Variants in TTC22 observed in about 807,000 individuals in gnomAD.
TTC22 encodes the protein tetratricopeptide repeat domain 22.
A neutral mutation model predicts 48.2 loss-of-function variants in TTC22; 42 were observed. The ratio of observed to expected loss-of-function variants is 0.87; its 90% confidence interval spans 0.68 to 1.13. The LOEUF (loss-of-function observed/expected upper bound fraction) is 1.13. Among genes scored for constraint, TTC22 ranks in the 50% most tolerant of loss-of-function variants. The pLI is 0.00. For synonymous variants in TTC22, 345 were observed against 365.5 expected (o/e 0.94, Z 0.64); for missense variants, 784 against 807.0 (o/e 0.97, Z 0.34).
At chr1:54,797,461 C>G (rs567747264) in intron 1 of TTC22, among the ~76,000 whole-genome samples, 1 of 152,070 alleles carries the variant, frequency 6.6e-6, no homozygotes, top group Non-Finnish European at 1.5e-5. Context: ...CCAGCCTGGC[C>G]AACATGGTGA....
At chr1:54,795,639 T>G (rs1453877254) in intron 1 of TTC22, among the ~76,000 whole-genome samples, 1 of 152,244 alleles carries the variant, frequency 6.6e-6, no homozygotes, top group Non-Finnish European at 1.5e-5. Flanking sequence ...CTGAATTTTC[T>G]CAGCTCCTCC....
At position 54,800,707 on chromosome 1, in the gene TTC22, G is replaced by C. The variant is rs761165081; in HGVS notation, c.457C>G (p.Gln153Glu). 6.5e-7 allele frequency: 1 copy of C among 1,545,556 alleles called. No homozygotes were observed. Among genetic ancestry groups the C allele is most frequent in the South Asian group, 1.2e-5 (1 of 84,688 alleles). The change falls in exon 1 of 7, where the codon CAG (glutamine) becomes GAG (glutamate). Residue 153 changes from glutamine (Q) to glutamate (E), a missense_variant. Physicochemically the swap from Gln to Glu is conservative, Grantham distance 29. Transcript: ENST00000371276. ...ACGTCGAAGCCATGCGCGTAGCCCT[G>C]CTCGGCCAGGCAGCGAGCGGCGCGG... ...QLRAARCLAE[Q>E]GYAHGFDVGC...
Position 54,782,343 on chromosome 1 carries a change from C to T in TTC22, c.1155G>A (p.Ala385=), listed in dbSNP as rs371162449. ...EVVRVCPGFK[A]YLDIGQVYYY... Reference sequence around the variant, plus strand: ...GCCTTACCTGGCCGATGTCCAGGTACGCCTTGAAGCCTGGGCACACCCTGA... The same window carrying T: ...GCCTTACCTGGCCGATGTCCAGGTATGCCTTGAAGCCTGGGCACACCCTGA... Residue 385 remains alanine (A), a synonymous_variant, in exon 6 of 7, where the codon GCG becomes GCA. Transcript: ENST00000371276. 130 of 1,543,842 alleles carry T rather than the reference C, an allele frequency of 8.4e-5. No individual in the cohort carries two copies. The African/African-American group carries it at 9.1e-4, about 11-fold the overall frequency.
intron 1 of TTC22, among the ~76,000 whole-genome samples, chr1:54,799,481 G>A (rs532733078): frequency 4.0e-4 from 61 of 152,306 alleles, no homozygotes; most frequent in Non-Finnish European, 5.6e-4. Context: ...CCAGGGAGAA[G>A]AAGGCCCCAC....
chr1:54,791,403 C>G (rs764620797), intron 1 of TTC22, among the ~76,000 whole-genome samples: 9 of 152,160 alleles, frequency 5.9e-5, no homozygotes, highest in Non-Finnish European at 1.2e-4. Flanking sequence ...GGATGTTACC[C>G]CTGGCAGGTT....
chr1:54,795,570 GGTA>G (rs775333328), intron 1 of TTC22, among the ~76,000 whole-genome samples: 5 of 152,128 alleles, frequency 3.3e-5, no homozygotes, highest in Non-Finnish European at 7.3e-5. Flanking sequence ...CTCTAGCACC[GGTA>G]GTAGCTGAGT....
In TTC22 at chr1:54,781,602, C is replaced by T; in HGVS notation, c.1351G>A (p.Ala451Thr). The change falls in exon 7 of 7, where the codon GCG becomes ACG. Residue 451 changes from alanine to threonine, a missense_variant. Transcript: ENST00000371276. ...CLRIKGEDANAAACFKRAVEL... is the reference protein window; with the variant it reads ...CLRIKGEDANTAACFKRAVEL... Reference sequence around the variant, plus strand: ...ACTGCGCGCTTGAAGCAGGCGGCCGCGTTGGCGTCCTCGCCCTTGATGCGC... The same window carrying T: ...ACTGCGCGCTTGAAGCAGGCGGCCGTGTTGGCGTCCTCGCCCTTGATGCGC... 3 of 1,525,578 alleles carry T rather than the reference C, an allele frequency of 2.0e-6. No homozygotes were observed. Among genetic ancestry groups the T allele is most frequent in the Non-Finnish European group, 2.6e-6 (3 of 1,142,298 alleles). 94.5% of individuals were successfully genotyped at this position (1,525,578 alleles called of 1,614,324 possible).
intron 1 of TTC22, among the ~76,000 whole-genome samples, chr1:54,797,071 C>T (rs1220964637): frequency 6.6e-6 from 1 of 152,156 alleles, no homozygotes; most frequent in African/African-American, 2.4e-5. Context: ...TCACAGGAAT[C>T]ATGTGAGGTT....
intron 5 of TTC22, among the ~76,000 whole-genome samples, chr1:54,783,528 T>A (rs1273833667): frequency 1.3e-5 from 2 of 152,228 alleles, no homozygotes; most frequent in East Asian, 3.8e-4. Flanking sequence ...TGCCAGACAC[T>A]GTTCCAGGCA....
At chr1:54,799,919 C>A (rs957299803) in intron 1 of TTC22, among the ~76,000 whole-genome samples, 1 of 152,222 alleles carries the variant, frequency 6.6e-6, no homozygotes, top group Admixed American at 6.5e-5. Context: ...CTCCATCTTA[C>A]AGGGAGGGGA....
Position 54,782,450 on chromosome 1 carries a change from G to C in TTC22, c.1048C>G (p.Leu350Val). ...CCGAGACCCATCTTGGCCCGCTTGA[G>C]GTCATGCAGGTAGGCTCTGATGTGG... ...KIHIRAYLHD[L>V]KRAKMGLGGM... The change falls in exon 6 of 7, where the codon CTC (leucine) becomes GTC (valine). Residue 350 changes from leucine (L) to valine (V), a missense_variant. Transcript: ENST00000371276. 6.4e-7 allele frequency: 1 copy of C among 1,550,622 alleles called. No individual in the cohort carries two copies.
intron 4 of TTC22, 40 bp from the exon 5 acceptor site, chr1:54,786,184 G>A (rs1332362573): frequency 1.2e-6 from 2 of 1,601,578 alleles, no homozygotes; most frequent in Non-Finnish European, 1.7e-6. Context: ...CACTTGCTTG[G>A]TCATTAGCCA....
intron 1 of TTC22, among the ~76,000 whole-genome samples, chr1:54,799,216 C>T (rs1467416708): frequency 6.6e-6 from 1 of 152,184 alleles, no homozygotes; most frequent in Non-Finnish European, 1.5e-5. Context: ...CAATCGGCTC[C>T]CTCCCTGGAG....
At chr1:54,789,317 G>T (rs1263151481) in intron 1 of TTC22, among the ~76,000 whole-genome samples, 1 of 152,230 alleles carries the variant, frequency 6.6e-6, no homozygotes, top group Non-Finnish European at 1.5e-5. Context: ...AGGGTCTTGG[G>T]TCATATTGGC....
chr1:54,799,445 C>T (rs1373751843), intron 1 of TTC22, among the ~76,000 whole-genome samples: 2 of 152,170 alleles, frequency 1.3e-5, no homozygotes, highest in Non-Finnish European at 2.9e-5. Flanking sequence ...TTCCTGCACC[C>T]CTTTCACAGA....
intron 1 of TTC22, among the ~76,000 whole-genome samples, chr1:54,793,941 C>T (rs1029732274): frequency 7.2e-5 from 11 of 152,140 alleles, no homozygotes; most frequent in African/African-American, 2.4e-4. Context: ...CCTAGACAAG[C>T]GGTTTTCAAA....
chr1:54,801,101 G>C lies in TTC22; in HGVS notation c.63C>G (p.Leu21=), dbSNP rs142848687. Reference sequence around the variant, plus strand: ...GCATCTCCAGGTGAAAGTGGCCCGGGAGGTAGTCCAGGTCGTCGATGAGGG... The same window carrying C: ...GCATCTCCAGGTGAAAGTGGCCCGGCAGGTAGTCCAGGTCGTCGATGAGGG... ...LDALIDDLDY[L]PGHFHLEMQL... The change falls in exon 1 of 7, where the codon CTC becomes CTG. Residue 21 remains leucine (L), a synonymous_variant. Transcript: ENST00000371276. The C allele has an allele frequency of 2.5e-6, 4 of 1,611,888 alleles. No individual in the cohort carries two copies. Among genetic ancestry groups the C allele is most frequent in the Middle Eastern group, 1.7e-4 (1 of 6,052 alleles).
chr1:54,788,719 T>C (rs1646326301), intron 1 of TTC22, among the ~76,000 whole-genome samples: 1 of 152,170 alleles, frequency 6.6e-6, no homozygotes, highest in African/African-American at 2.4e-5. Context: ...TCCCTCCACA[T>C]TCATCTCCCG....
chr1:54,800,597 C>T lies in TTC22; in HGVS notation c.567G>A (p.Gln189=). ...LYDKALGYGQ[Q]IPMEEKRGWY... ...AGGTAGGGAGACAGGGGTCACCTAC[C>T]TGCTGCCCGTAGCCTAGCGCCTTGT... Residue 189 remains glutamine (Q), a splice_region_variant and synonymous_variant, in exon 1 of 7, where the codon CAG becomes CAA. Coordinates refer to ENST00000371276, the MANE Select transcript of TTC22 (RefSeq NM_001114108.2). 6.6e-7 allele frequency: 1 copy of T among 1,513,846 alleles called. No homozygotes were observed. Among genetic ancestry groups the T allele is most frequent in the Non-Finnish European group, 8.7e-7 (1 of 1,143,402 alleles). The allele number at this position is 1,513,846 out of a possible 1,614,324, so 93.8% of individuals were successfully genotyped here.
Sources: gnomAD v4.1 joint callset for allele counts (sites outside exome capture counted in the v4.1 genomes callset) on GRCh38, gnomAD v4.1.1 for gene constraint, MANE v1.5 for transcripts, NCBI Gene and HGNC (gene_info 2026-07-23, HGNC 2026-07-21) for gene names.